ADIPOR1: variants seen among roughly 807,000 people sequenced by gnomAD.
ADIPOR1 encodes adiponectin receptor 1.
A neutral mutation model predicts 37.5 loss-of-function variants in ADIPOR1; 15 were observed. The ratio of observed to expected loss-of-function variants is 0.40; its 90% CI spans 0.27 to 0.62. The LOEUF (loss-of-function observed/expected upper bound fraction) is 0.62, where lower values mean the gene tolerates loss of function less well. ADIPOR1 is among the 20% of genes least tolerant of loss of function. The probability of loss-of-function intolerance (pLI) is 0.42; values close to 1 mark genes in which losing one functional copy is unlikely to be tolerated. For synonymous variants in ADIPOR1, 173 were observed against 173.2 expected (o/e 1.00, Z 0.01); for missense variants, 286 against 478.0 (o/e 0.60, Z 3.75).
chr1:202,955,228 C>CTTT (rs113380422), intron 1 of ADIPOR1, among the ~76,000 whole-genome samples: 544 of 146,882 alleles, frequency 3.7e-3, no homozygotes, highest in African/African-American at 0.011. Context: ...CAACAGAAGT[C>CTTT]TTTTTTTTTT....
chr1:202,945,357 C>A (rs1654266371), intron 4 of ADIPOR1, among the ~76,000 whole-genome samples, 188 bp from the exon 5 acceptor site: 1 of 152,148 alleles, frequency 6.6e-6, no homozygotes, highest in Non-Finnish European at 1.5e-5. Flanking sequence ...CAAAAAACAA[C>A]AGATGTTGGC....
intron 7 of ADIPOR1, 131 bp downstream of exon 7, chr1:202,941,894 T>A: frequency 8.4e-7 from 1 of 1,187,606 alleles, no homozygotes; most frequent in South Asian, 1.6e-5. Flanking sequence ...TATTGATGAT[T>A]TACCTTCAAT....
chr1:202,951,585 C>T (rs1031599813), intron 1 of ADIPOR1, among the ~76,000 whole-genome samples: 1 of 152,190 alleles, frequency 6.6e-6, no homozygotes, highest in African/African-American at 2.4e-5. Flanking sequence ...CAACATCTGG[C>T]TGCAATTACT....
At position 202,946,458 on chromosome 1, in the gene ADIPOR1, G is replaced by A. The variant is rs1030321794; in HGVS notation, c.411C>T (p.Asn137=). 2 of 1,614,082 alleles carry A rather than the reference G, an allele frequency of 1.2e-6. No individual in the cohort carries two copies. Among genetic ancestry groups the A allele is most frequent in the Non-Finnish European group, 1.7e-6 (2 of 1,180,030 alleles). Residue 137 remains asparagine, a synonymous_variant, in exon 4 of 8, where the codon AAC becomes AAT. Coordinates refer to ENST00000340990, the MANE Select transcript of ADIPOR1 (RefSeq NM_015999.6). ...ACTCACCAAGCAGATGGGTCCAGAT[G>A]TTGCCAGTTTCTGTATGAATGCGGA... ...SIFRIHTETG[N]IWTHLLGFVL...
At chr1:202,953,850 C>T (rs539008084) in intron 1 of ADIPOR1, among the ~76,000 whole-genome samples, 2 of 152,278 alleles carry the variant, frequency 1.3e-5, no homozygotes, top group East Asian at 3.9e-4. Flanking sequence ...AGAATGGTCA[C>T]ACACTAAATT....
chr1:202,951,139 CA>C lies in ADIPOR1; in HGVS notation c.-70del. The C allele has an allele frequency of 6.3e-7, 1 of 1,587,290 alleles. No individual in the cohort carries two copies. The highest frequency in any genetic ancestry group is 2.2e-5 in the East Asian group (1 of 44,644). On this transcript the variant is annotated 5_prime_UTR_variant, in exon 2 of 8. Transcript: ENST00000340990. ...GTTGGGGTCTCTCAGCCCCAGGGGG[CA>C]GAGATCTCCCTCTGATGGTAGACAC...
chr1:202,954,906 A>T (rs1654718779), intron 1 of ADIPOR1, among the ~76,000 whole-genome samples: 1 of 152,168 alleles, frequency 6.6e-6, no homozygotes, highest in Admixed American at 6.5e-5. Flanking sequence ...CAAAGACACA[A>T]AGTTTCTAAG....
At chr1:202,954,333 G>A (rs2102494559) in intron 1 of ADIPOR1, 1 of 152,356 alleles carries the variant, frequency 6.6e-6, no homozygotes. Context: ...GACAGGAAAG[G>A]GAGAGATAGG....
At chr1:202,946,705 A>T (rs1654336487) in intron 3 of ADIPOR1, 95 bp from the exon 4 acceptor site, 1 of 1,333,114 alleles carries the variant, frequency 7.5e-7, no homozygotes, top group African/African-American at 1.4e-5. Context: ...GATGTCAGTC[A>T]GGCTCTGAAT....
rs1654087629 is a variant in ADIPOR1, at chr1:202,941,609, G to A, written c.1092C>T (p.Gly364=). 1 of 1,614,178 alleles carries A rather than the reference G, an allele frequency of 6.2e-7. No homozygotes were observed. ...GVSNLQEFRY[G]LEGGCTDDTL... ...TGTCATCAGTACAGCCGCCTTCTAG[G>A]CCGTAACGGAATTCCTGAAGGTTGG... Residue 364 remains glycine (G), a synonymous_variant, in exon 8 of 8, where the codon GGC becomes GGT. Transcript: ENST00000340990.
At position 202,951,122 on chromosome 1, in the gene ADIPOR1, C is replaced by G; in HGVS notation, c.-52G>C. ...CTTCAGCTTGGGGAAAGGTTGGGGT[C>G]TCTCAGCCCCAGGGGGCAGAGATCT... On this transcript the variant is annotated 5_prime_UTR_variant, in exon 2 of 8. Transcript: ENST00000340990. The G allele has an allele frequency of 6.2e-7, 1 of 1,609,412 alleles. No homozygotes were observed. Among genetic ancestry groups the G allele is most frequent in the Non-Finnish European group, 8.5e-7 (1 of 1,176,540 alleles).
intron 1 of ADIPOR1, among the ~76,000 whole-genome samples, chr1:202,957,690 C>T (rs1343206100): frequency 6.6e-6 from 1 of 152,230 alleles, no homozygotes; most frequent in Non-Finnish European, 1.5e-5. Flanking sequence ...AGGGCACTGT[C>T]AGGACTTGAC....
At chr1:202,955,079 G>A (rs1333076042) in intron 1 of ADIPOR1, among the ~76,000 whole-genome samples, 1 of 152,150 alleles carries the variant, frequency 6.6e-6, no homozygotes, top group Non-Finnish European at 1.5e-5. Context: ...AGCTTTGTTG[G>A]AGAAATATGA....
intron 2 of ADIPOR1, among the ~76,000 whole-genome samples, chr1:202,949,473 G>A (rs1205014193): frequency 1.3e-5 from 2 of 151,558 alleles, no homozygotes; most frequent in South Asian, 2.1e-4. Context: ...CCAGCTACTC[G>A]GGAGGCTGAG....
chr1:202,942,226 G>A lies in ADIPOR1; in HGVS notation c.806-8C>T, dbSNP rs751901349. On this transcript the variant is annotated splice_region_variant and splice_polypyrimidine_tract_variant and intron_variant, in intron 6 of 7. Transcript: ENST00000340990. ...CAAGTCCCAGGAACACGCCTGAACA[G>A]AACAGACATAAGACTGTCAAACAAG... 1.8e-5 allele frequency: 29 copies of A among 1,608,658 alleles called. No homozygotes were observed. In the East Asian group the frequency reaches 5.8e-4, roughly 32 times the overall value.
intron 1 of ADIPOR1, among the ~76,000 whole-genome samples, chr1:202,957,550 C>A (rs139531519): frequency 2.0e-5 from 3 of 152,048 alleles, no homozygotes; most frequent in African/African-American, 7.2e-5. Flanking sequence ...TACATCAATC[C>A]TAGATACCTA....
At chr1:202,957,942 G>T (rs543757034) in intron 1 of ADIPOR1, among the ~76,000 whole-genome samples, 15 of 152,158 alleles carry the variant, frequency 9.9e-5, no homozygotes, top group Non-Finnish European at 1.9e-4. Flanking sequence ...AGCCGGGGAC[G>T]AGCGCCCACC....
intron 1 of ADIPOR1, 22 bp from the exon 2 acceptor site, chr1:202,951,186 A>T: frequency 8.4e-7 from 1 of 1,187,380 alleles, no homozygotes; most frequent in Admixed American, 2.4e-5. Context: ...TACAAACATG[A>T]AGGATTGACA....
At chr1:202,949,097 T>G (rs1028680536) in intron 2 of ADIPOR1, among the ~76,000 whole-genome samples, 2 of 151,750 alleles carry the variant, frequency 1.3e-5, no homozygotes, top group African/African-American at 4.8e-5. Flanking sequence ...GCCTACGTTT[T>G]CAAAACAACG....
Sources: allele counts gnomAD v4.1 joint callset (sites outside exome capture counted in the v4.1 genomes callset), GRCh38; gene constraint gnomAD v4.1.1; transcripts MANE v1.5; gene names NCBI Gene and HGNC (gene_info 2026-07-23, HGNC 2026-07-21).